The following BTBD9 variants were observed in gnomAD, a reference collection of about 807,000 sequenced individuals.
The protein encoded by BTBD9 is BTB domain containing 9, also known as BTB/POZ domain-containing protein 9.
A neutral mutation model predicts 64.3 loss-of-function variants in BTBD9; 49 were observed. That is an observed-to-expected ratio of 0.76 (90% CI 0.61 to 0.97). BTBD9 has a LOEUF of 0.97. BTBD9 is among the 50% of genes least tolerant of loss of function. BTBD9 has a pLI of 0.00. For missense variants in BTBD9, 598 were observed against 762.1 expected, an observed-to-expected ratio of 0.78 and a Z score of 2.53; for synonymous variants, 260 against 274.7, an observed-to-expected ratio of 0.95 and a Z score of 0.53.
At chr6:38,329,466 G>T (rs908469034) in intron 7 of BTBD9, among the ~76,000 whole-genome samples, 1 of 151,780 alleles carries the variant, frequency 6.6e-6, no homozygotes, top group African/African-American at 2.4e-5. Context: ...GGGATTACAG[G>T]GGCGTGCCAC....
chr6:38,565,526 T>C (rs2127460215), intron 6 of BTBD9, among the ~76,000 whole-genome samples: 1 of 149,846 alleles, frequency 6.7e-6, no homozygotes, highest in African/African-American at 2.5e-5. Context: ...GACTTTCATC[T>C]TTTCTATGAA....
intron 6 of BTBD9, among the ~76,000 whole-genome samples, chr6:38,421,083 A>C (rs1582401811): frequency 9.9e-6 from 1 of 100,936 alleles, no homozygotes; most frequent in East Asian, 3.2e-4. Flanking sequence ...AGGGCTGGAC[A>C]CAGTGGCTCA....
chr6:38,431,553 C>T (rs1768438420), intron 6 of BTBD9, among the ~76,000 whole-genome samples: 1 of 152,136 alleles, frequency 6.6e-6, no homozygotes, highest in Admixed American at 6.5e-5. Context: ...AAACCTGCTC[C>T]TCCCCATTGT....
chr6:38,638,994 G>A (rs1700924224), intron 1 of BTBD9, among the ~76,000 whole-genome samples: 1 of 152,120 alleles, frequency 6.6e-6, no homozygotes, highest in Non-Finnish European at 1.5e-5. Context: ...AACAGAATCC[G>A]TATTTTCTGC....
chr6:38,592,159 C>T (rs1321462403), intron 4 of BTBD9, among the ~76,000 whole-genome samples: 1 of 141,120 alleles, frequency 7.1e-6, no homozygotes, highest in African/African-American at 2.7e-5. Context: ...CTAGCCTGGG[C>T]AACAAGAGTG....
At chr6:38,245,649 C>T (rs961302572) in intron 9 of BTBD9, among the ~76,000 whole-genome samples, 66 of 152,120 alleles carry the variant, frequency 4.3e-4, no homozygotes, top group Admixed American at 5.9e-4. Context: ...TAGAGTTGTG[C>T]TTGAAAAGTG....
intron 8 of BTBD9, among the ~76,000 whole-genome samples, chr6:38,266,619 A>AAAAACTCAGTCTCAAC (rs1764994922): frequency 2.7e-5 from 1 of 37,618 alleles, no homozygotes. Flanking sequence ...AGAAAGAAAG[A>AAAAACTCAGTCTCAAC]AAGAAAGAAA....
chr6:38,287,082 C>CAAAAAAAAAAA lies in BTBD9; in HGVS notation c.1454+1179_1454+1189dup, dbSNP rs60618390. Among the ~76,000 whole-genome samples, 10 of 25,368 alleles carry CAAAAAAAAAAA rather than the reference C, an allele frequency of 3.9e-4. 2 individuals carry two copies. Among genetic ancestry groups the CAAAAAAAAAAA allele is most frequent in the African/African-American group, 1.0e-3 (5 of 4,890 alleles). The allele number at this position is 25,368 out of a possible 152,430, so 16.6% of individuals were successfully genotyped here. ...GGGTGACAATAGTGAGGCTCCATCT[C>CAAAAAAAAAAA]AAAAAAAAAAAAAAAAAAAAAAAAT... is the stretch of plus-strand genomic sequence containing the variant. On this transcript the variant is annotated intron_variant, in intron 8 of 10. Coordinates refer to ENST00000481247, the MANE Select transcript of BTBD9 (RefSeq NM_001099272.2).
chr6:38,380,894 CA>C (rs1562104443), intron 6 of BTBD9, among the ~76,000 whole-genome samples: 2 of 150,496 alleles, frequency 1.3e-5, no homozygotes, highest in African/African-American at 2.4e-5. Context: ...TTTAGAATAG[CA>C]AATTAAAAAT....
intron 6 of BTBD9, chr6:38,402,822 C>A: frequency 1.4e-6 from 1 of 700,984 alleles, no homozygotes; most frequent in Non-Finnish European, 2.6e-6. Context: ...AATACCTGCA[C>A]TTTGGAAGGC....
intron 3 of BTBD9, among the ~76,000 whole-genome samples, chr6:38,593,663 A>G (rs1776908398): frequency 6.6e-6 from 1 of 152,232 alleles, no homozygotes; most frequent in Non-Finnish European, 1.5e-5. Flanking sequence ...GGTAGTATGC[A>G]ATACCAAAAA....
intron 1 of BTBD9, among the ~76,000 whole-genome samples, chr6:38,612,051 A>G (rs1252572553): frequency 6.6e-6 from 1 of 152,162 alleles, no homozygotes; most frequent in Non-Finnish European, 1.5e-5. Flanking sequence ...AAATCTCTAC[A>G]TATCACTATT....
At chr6:38,391,005 A>G (rs1766385945) in intron 6 of BTBD9, among the ~76,000 whole-genome samples, 1 of 152,198 alleles carries the variant, frequency 6.6e-6, no homozygotes, top group Non-Finnish European at 1.5e-5. Flanking sequence ...CTGCTTTTAT[A>G]TGCTTATACT....
intron 6 of BTBD9, among the ~76,000 whole-genome samples, chr6:38,382,544 AAAC>A (rs904676420): frequency 1.3e-5 from 2 of 151,730 alleles, no homozygotes; most frequent in Non-Finnish European, 2.9e-5. Context: ...AAAGAAAAAA[AAAC>A]AACAGCAGTA....
At chr6:38,325,553 T>C (rs1278340080) in intron 7 of BTBD9, among the ~76,000 whole-genome samples, 1 of 152,040 alleles carries the variant, frequency 6.6e-6, no homozygotes, top group Non-Finnish European at 1.5e-5. Context: ...AGCATGGTGG[T>C]GGGCGCCTGT....
Position 38,428,480 on chromosome 6 carries a change from C to T in BTBD9, c.1155-83387G>A, listed in dbSNP as rs534101011. On this transcript the variant is annotated intron_variant, in intron 6 of 10. Transcript: ENST00000481247. ...GATCGCGGCTCACTGCAGCCTCGAA[C>T]TCCTGGGCTCGAGTGATCCGTATTA... Among the ~76,000 whole-genome samples, 151 of 150,576 alleles carry T rather than the reference C, an allele frequency of 1.0e-3. 2 individuals are homozygous for T. The highest frequency in any genetic ancestry group is 3.3e-3 in the African/African-American group (135 of 40,572).
rs374673436 is a variant in BTBD9, at chr6:38,601,693, TAAAAA to T, written c.-27-3577_-27-3573del. Among the ~76,000 whole-genome samples the T allele has an allele frequency of 5.3e-4, 80 of 149,890 alleles. 1 individual carries two copies. The East Asian group carries it at 0.01, about 19-fold the overall frequency. On this transcript the variant is annotated intron_variant, in intron 1 of 10. Transcript: ENST00000481247. The stretch of plus-strand genomic sequence containing the variant: ...ACAGCAAGACCCTGTCTCAAAAAAA[TAAAAA>T]AGAAAAGAAAGAAAACCAAATTAAA...
rs200665550 is a variant in BTBD9, at chr6:38,337,650, A to G, written c.1264+7334T>C. On this transcript the variant is annotated intron_variant, in intron 7 of 10. Coordinates refer to ENST00000481247, the MANE Select transcript of BTBD9 (RefSeq NM_001099272.2). Reference sequence around the variant, plus strand: ...GTTGTTCTCCACTCCACTTATTTCCATACCTTGCCAATGTGACTGTCCGGC... The same window carrying G: ...GTTGTTCTCCACTCCACTTATTTCCGTACCTTGCCAATGTGACTGTCCGGC... 5.3e-5 allele frequency among the ~76,000 whole-genome samples: 8 copies of G among 152,254 alleles called. No homozygotes were observed. In the East Asian group the frequency reaches 1.4e-3, roughly 26 times the overall value.
chr6:38,263,276 T>C (rs1270192605), intron 8 of BTBD9, among the ~76,000 whole-genome samples: 2 of 152,260 alleles, frequency 1.3e-5, no homozygotes, highest in Non-Finnish European at 2.9e-5. Context: ...ACTTTACTTA[T>C]ACTTTGGTTT....
Sources: allele counts gnomAD v4.1 joint callset (sites outside exome capture counted in the v4.1 genomes callset), GRCh38; gene constraint gnomAD v4.1.1; transcripts MANE v1.5; gene names NCBI Gene and HGNC (gene_info 2026-07-23, HGNC 2026-07-21).